TTLL5: variants seen among roughly 807,000 people sequenced by gnomAD.
The protein encoded by TTLL5 is tubulin tyrosine ligase like 5, also known as tubulin polyglutamylase TTLL5.
A neutral mutation model predicts 168.4 loss-of-function variants in TTLL5; 132 were observed. The ratio of observed to expected loss-of-function variants is 0.78; its 90% CI spans 0.68 to 0.91. The LOEUF (loss-of-function observed/expected upper bound fraction) is 0.91, where lower values mean the gene tolerates loss of function less well. Among genes scored for constraint, TTLL5 ranks in the 40% least tolerant of loss-of-function variants. The pLI, the probability that TTLL5 is intolerant of heterozygous loss-of-function variation, is 0.00. For missense variants in TTLL5, 1,545 were observed against 1,581.5 expected (o/e 0.98, Z 0.39); for synonymous variants, 546 against 558.6 (o/e 0.98, Z 0.32).
At chr14:75,868,400 A>G (rs754483515) in intron 29 of TTLL5, among the ~76,000 whole-genome samples, 5 of 152,208 alleles carry the variant, frequency 3.3e-5, no homozygotes, top group Admixed American at 3.3e-4. Context: ...ACATTAGTAA[A>G]TAACTCAAGG....
chr14:75,886,948 T>C, intron 30 of TTLL5: 2 of 1,422,822 alleles, frequency 1.4e-6, no homozygotes, highest in Non-Finnish European at 1.8e-6. Flanking sequence ...AAAGATGTTG[T>C]AACCTGGGAG....
intron 31 of TTLL5, among the ~76,000 whole-genome samples, chr14:75,924,604 G>A (rs1332047994): frequency 6.6e-6 from 1 of 151,888 alleles, no homozygotes; most frequent in Non-Finnish European, 1.5e-5. Flanking sequence ...TTGGGGGTAA[G>A]GTCACCGATC....
intron 21 of TTLL5, among the ~76,000 whole-genome samples, chr14:75,773,748 G>A (rs1891479405): frequency 6.6e-6 from 1 of 151,298 alleles, no homozygotes; most frequent in Admixed American, 6.6e-5. Context: ...AAATTAGCTG[G>A]GTGTGGTAGT....
chr14:75,702,609 C>T (rs993677803), intron 7 of TTLL5, among the ~76,000 whole-genome samples: 7 of 152,084 alleles, frequency 4.6e-5, no homozygotes, highest in East Asian at 3.9e-4. Flanking sequence ...TTGGTGGAGC[C>T]GAGAACCCTG....
chr14:75,666,604 G>T (rs1301235994), intron 2 of TTLL5, among the ~76,000 whole-genome samples: 1 of 152,230 alleles, frequency 6.6e-6, no homozygotes, highest in Non-Finnish European at 1.5e-5. Flanking sequence ...ATCGTAATGG[G>T]CTGAAGGAGC....
chr14:75,894,870 A>G (rs1195256539), intron 30 of TTLL5, among the ~76,000 whole-genome samples: 1 of 152,218 alleles, frequency 6.6e-6, no homozygotes, highest in South Asian at 2.1e-4. Flanking sequence ...AGGAATAAAG[A>G]AAAGCACTTG....
At chr14:75,872,956 G>GT in intron 29 of TTLL5, among the ~76,000 whole-genome samples, 1 of 150,556 alleles carries the variant, frequency 6.6e-6, no homozygotes, top group Admixed American at 6.6e-5. Context: ...TTATAATTGT[G>GT]TATCACCTTT....
intron 18 of TTLL5, chr14:75,757,943 A>G: frequency 7.6e-7 from 1 of 1,308,672 alleles, no homozygotes; most frequent in Non-Finnish European, 9.9e-7. Flanking sequence ...TAAGCATAAT[A>G]CCTTATATAA....
chr14:75,682,943 A>C (rs1222854144), intron 4 of TTLL5, among the ~76,000 whole-genome samples: 1 of 151,880 alleles, frequency 6.6e-6, no homozygotes, highest in African/African-American at 2.4e-5. Flanking sequence ...ATTAAAAAAA[A>C]AATTTTTTTT....
chr14:75,670,818 A>T (rs945355188), intron 3 of TTLL5, among the ~76,000 whole-genome samples: 35 of 152,202 alleles, frequency 2.3e-4, no homozygotes, highest in African/African-American at 8.4e-4. Flanking sequence ...ATTAGACAAG[A>T]TATATGATTT....
intron 30 of TTLL5, among the ~76,000 whole-genome samples, chr14:75,884,869 T>TA (rs763253279): frequency 0.016 from 2,239 of 141,118 alleles, 42 homozygotes; most frequent in African/African-American, 0.05. Context: ...CTGATAAAGT[T>TA]AAAAAAAAAA....
chr14:75,928,790 G>A (rs1206245276), intron 31 of TTLL5, among the ~76,000 whole-genome samples: 2 of 152,056 alleles, frequency 1.3e-5, no homozygotes, highest in Admixed American at 1.3e-4. Context: ...AATCTGCCCT[G>A]GTCATGGGAT....
At chr14:75,661,881 C>G (rs1322737229) in intron 1 of TTLL5, among the ~76,000 whole-genome samples, 1 of 150,424 alleles carries the variant, frequency 6.6e-6, no homozygotes, top group East Asian at 1.9e-4. Flanking sequence ...TTTTTTTTGT[C>G]TTATTTACAG....
chr14:75,723,812 A>G (rs573893000), intron 12 of TTLL5, among the ~76,000 whole-genome samples: 2 of 152,098 alleles, frequency 1.3e-5, no homozygotes, highest in Non-Finnish European at 2.9e-5. Context: ...AACTGAGTGC[A>G]TCTGGAGTTT....
intron 27 of TTLL5, among the ~76,000 whole-genome samples, chr14:75,819,593 T>G (rs898139194): frequency 2.2e-4 from 34 of 152,216 alleles, no homozygotes; most frequent in African/African-American, 8.2e-4. Flanking sequence ...GTGGATTCTT[T>G]GTGTATTATA....
intron 12 of TTLL5, chr14:75,727,851 A>G (rs781458324): frequency 6.0e-6 from 3 of 503,034 alleles, no homozygotes; most frequent in Admixed American, 2.0e-5. Flanking sequence ...AGTCGTTGTC[A>G]GGGATGGGGG....
intron 26 of TTLL5, among the ~76,000 whole-genome samples, chr14:75,786,546 G>A (rs959438170): frequency 2.6e-5 from 4 of 152,172 alleles, no homozygotes; most frequent in African/African-American, 9.7e-5. Flanking sequence ...TTAAACAGTA[G>A]TAGATGACAA....
chr14:75,683,735 T>C, intron 5 of TTLL5, 79 bp downstream of exon 5: 1 of 1,129,008 alleles, frequency 8.9e-7, no homozygotes, highest in Non-Finnish European at 1.3e-6. Context: ...GTAATTAGTG[T>C]CCTTAAAGAA....
intron 30 of TTLL5, among the ~76,000 whole-genome samples, chr14:75,893,228 A>T (rs1322285518): frequency 6.6e-6 from 1 of 152,240 alleles, no homozygotes; most frequent in East Asian, 1.9e-4. Context: ...CGCTTTTAGA[A>T]AATGACAGAA....
Sources: allele counts gnomAD v4.1 joint callset (sites outside exome capture counted in the v4.1 genomes callset), GRCh38; gene constraint gnomAD v4.1.1; transcripts MANE v1.5; gene names NCBI Gene and HGNC (gene_info 2026-07-23, HGNC 2026-07-21).